Variants in CCDC63 observed in about 807,000 individuals in gnomAD.
CCDC63 encodes the protein coiled-coil domain containing 63.
In CCDC63, 54 loss-of-function variants were observed where a neutral mutation model predicts 63.6. The observed-to-expected ratio is 0.85, with a 90% CI of 0.68 to 1.07. The LOEUF (loss-of-function observed/expected upper bound fraction) is 1.07, where lower values mean the gene tolerates loss of function less well. CCDC63 is among the 50% of genes least tolerant of loss of function. CCDC63 has a pLI of 0.00. For synonymous variants in CCDC63, 253 were observed against 266.1 expected (o/e 0.95, Z 0.48); for missense variants, 637 against 689.6 (o/e 0.92, Z 0.86).
At chr12:110,893,240 C>T (rs994076437) in intron 9 of CCDC63, 90 bp downstream of exon 9, 3 of 1,036,562 alleles carry the variant, frequency 2.9e-6, no homozygotes, top group Non-Finnish European at 4.4e-6. Flanking sequence ...GTCCGTCGGG[C>T]ATCTGTCAGC....
intron 10 of CCDC63, among the ~76,000 whole-genome samples, chr12:110,901,361 A>G (rs1217864610): frequency 6.6e-6 from 1 of 151,998 alleles, no homozygotes; most frequent in Non-Finnish European, 1.5e-5. Flanking sequence ...ATGCTATCAA[A>G]TACTAGTTCT....
intron 5 of CCDC63, among the ~76,000 whole-genome samples, chr12:110,877,998 C>G (rs757065383): frequency 1.3e-5 from 2 of 151,966 alleles, no homozygotes; most frequent in East Asian, 3.9e-4. Flanking sequence ...TGAGCCACTG[C>G]GCCCAGCCTT....
chr12:110,881,146 A>G lies in CCDC63; in HGVS notation c.703A>G (p.Lys235Glu), dbSNP rs1359225375. The G allele has an allele frequency of 1.1e-5, 18 of 1,611,744 alleles. No homozygotes were observed. The highest frequency in any genetic ancestry group is 1.7e-5 in the Admixed American group (1 of 59,870). The change falls in exon 7 of 12, where the codon AAA (lysine) becomes GAA (glutamate). Residue 235 changes from lysine (K) to glutamate (E), a missense_variant. By Grantham distance (56) the Lys-to-Glu change is moderately conservative (BLOSUM62 1). Transcript: ENST00000308208. ...VEAMARMAAM[K>E]DRQKKDTSQY... ...GGCCATGGCTCGAATGGCTGCCATG[A>G]AAGACCGCCAGAAGAAGGACACCTC...
chr12:110,892,920 A>G (rs182471900), intron 8 of CCDC63, among the ~76,000 whole-genome samples, 156 bp from the exon 9 acceptor site: 28 of 152,230 alleles, frequency 1.8e-4, no homozygotes, highest in Admixed American at 1.0e-3. Flanking sequence ...AAAAAAAATA[A>G]TAACCCCACG....
intron 11 of CCDC63, among the ~76,000 whole-genome samples, chr12:110,905,596 G>A (rs1455167667): frequency 1.3e-5 from 2 of 151,678 alleles, no homozygotes; most frequent in Non-Finnish European, 2.9e-5. Flanking sequence ...GGTTAAATAA[G>A]GTCCAGCTCA....
intron 4 of CCDC63, 60 bp downstream of exon 4, chr12:110,858,835 G>T: frequency 6.8e-7 from 1 of 1,476,754 alleles, no homozygotes. Flanking sequence ...GAGTTGGGGT[G>T]CATATTCGTG....
At chr12:110,890,804 A>C (rs1256719734) in intron 8 of CCDC63, among the ~76,000 whole-genome samples, 1 of 106,944 alleles carries the variant, frequency 9.4e-6, no homozygotes, top group African/African-American at 3.8e-5. Context: ...TTGAGACAGG[A>C]TCTTGCTCTA....
At chr12:110,856,741 C>A (rs965522245) in intron 3 of CCDC63, among the ~76,000 whole-genome samples, 2 of 151,962 alleles carry the variant, frequency 1.3e-5, no homozygotes, top group Admixed American at 1.3e-4. Context: ...TGGCTGGCTG[C>A]TGGTTTTTTG....
chr12:110,893,022 C>A, intron 8 of CCDC63, 54 bp from the exon 9 acceptor site: 1 of 1,378,824 alleles, frequency 7.3e-7, no homozygotes, highest in Non-Finnish European at 1.0e-6. Flanking sequence ...TTTTTGGGAG[C>A]AGTGGGGAGG....
intron 6 of CCDC63, among the ~76,000 whole-genome samples, 153 bp from the exon 7 acceptor site, chr12:110,880,962 G>C (rs75333857): frequency 0.011 from 1,608 of 151,830 alleles, 10 homozygotes; most frequent in Non-Finnish European, 0.014. Context: ...CTGTTGTTCA[G>C]GTAAGGAGGA....
At position 110,858,762 on chromosome 12, in the gene CCDC63, A is replaced by T; in HGVS notation, c.356A>T (p.Glu119Val). 3.7e-6 allele frequency: 6 copies of T among 1,613,676 alleles called. No individual in the cohort carries two copies. In the Middle Eastern group the frequency reaches 4.9e-4, roughly 133 times the overall value. ...AAATCCCTGAAAGTGCTGTTGGCTG[A>T]ACTGGATGAGAAGGTGTGGTCTTTC... is the stretch of plus-strand genomic sequence containing the variant. ...LIKSLKVLLA[E>V]LDEKILQMEK... The change falls in exon 4 of 12, where the codon GAA becomes GTA. Residue 119 changes from glutamate to valine, a missense_variant. Coordinates refer to ENST00000308208, the MANE Select transcript of CCDC63 (RefSeq NM_152591.3).
At chr12:110,850,886 C>T (rs1415634076) in intron 1 of CCDC63, among the ~76,000 whole-genome samples, 1 of 152,216 alleles carries the variant, frequency 6.6e-6, no homozygotes, top group Non-Finnish European at 1.5e-5. Context: ...CCTTCTCACC[C>T]TTTGCCCGAG....
intron 1 of CCDC63, among the ~76,000 whole-genome samples, chr12:110,848,198 C>T (rs1481614718): frequency 1.3e-5 from 2 of 152,206 alleles, no homozygotes; most frequent in East Asian, 1.9e-4. Flanking sequence ...GGAGTGGGGC[C>T]TGTGGCCAGG....
At chr12:110,902,122 C>T (rs369606622) in intron 10 of CCDC63, among the ~76,000 whole-genome samples, 293 of 152,256 alleles carry the variant, frequency 1.9e-3, no homozygotes, top group African/African-American at 6.0e-3. Flanking sequence ...TGAGCCACCA[C>T]GCCCGGCCAC....
At position 110,893,084 on chromosome 12, in the gene CCDC63, C is replaced by A. The variant is rs377591704; in HGVS notation, c.1083C>A (p.Ile361=). 3.1e-6 allele frequency: 5 copies of A among 1,613,944 alleles called. No individual in the cohort carries two copies. The African/African-American group carries it at 5.3e-5, about 17-fold the overall frequency. ...TGTTCTCTCCCGAGCAGGACGAGATCATCCTCTTGCGATCCCAGCAGAAAT... is the reference window on the plus strand; with the variant it reads ...TGTTCTCTCCCGAGCAGGACGAGATAATCCTCTTGCGATCCCAGCAGAAAT... ...HKRTQRIQDE[I]ILLRSQQKLS... The change falls in exon 9 of 12, where the codon ATC becomes ATA. Residue 361 remains isoleucine (I), a synonymous_variant. Coordinates refer to ENST00000308208, the MANE Select transcript of CCDC63 (RefSeq NM_152591.3).
intron 3 of CCDC63, 21 bp from the exon 4 acceptor site, chr12:110,858,565 C>T: frequency 6.3e-7 from 1 of 1,598,796 alleles, no homozygotes; most frequent in Non-Finnish European, 8.5e-7. Flanking sequence ...TGGGGTTAAT[C>T]ATGGGCTGCT....
At chr12:110,890,756 A>G (rs967973257) in intron 8 of CCDC63, among the ~76,000 whole-genome samples, 1 of 105,336 alleles carries the variant, frequency 9.5e-6, no homozygotes, top group Non-Finnish European at 2.0e-5. Context: ...AACATCTTCT[A>G]TTTTTTTCCT....
At chr12:110,860,878 G>A (rs1048709022) in intron 4 of CCDC63, among the ~76,000 whole-genome samples, 3 of 152,196 alleles carry the variant, frequency 2.0e-5, no homozygotes, top group African/African-American at 2.4e-5. Flanking sequence ...CGTGAGCCGC[G>A]GCATGCAGCC....
chr12:110,872,865 G>C (rs761597148), intron 4 of CCDC63, among the ~76,000 whole-genome samples: 1 of 152,140 alleles, frequency 6.6e-6, no homozygotes, highest in Non-Finnish European at 1.5e-5. Context: ...GGTCTCAAGT[G>C]ATACTCCCAC....
Sources: gnomAD v4.1 joint callset for allele counts (sites outside exome capture counted in the v4.1 genomes callset) on GRCh38, gnomAD v4.1.1 for gene constraint, MANE v1.5 for transcripts, NCBI Gene and HGNC (gene_info 2026-07-23, HGNC 2026-07-21) for gene names.